The following FMO1 variants were observed in gnomAD, a reference collection of about 807,000 sequenced individuals.
FMO1 encodes the protein flavin-containing monooxygenase 1.
In FMO1, 36 loss-of-function variants were observed where a neutral mutation model predicts 45.4. The observed-to-expected ratio is 0.79, with a 90% CI of 0.61 to 1.05. FMO1 has a LOEUF of 1.05. FMO1 is among the 50% of genes least tolerant of loss of function. FMO1 has a pLI of 0.00. For synonymous variants in FMO1, 228 were observed against 227.2 expected, an observed-to-expected ratio of 1.00 and a Z score of -0.03; for missense variants, 615 against 640.3, an observed-to-expected ratio of 0.96 and a Z score of 0.43.
chr1:171,278,265 C>T (rs1661191361), intron 4 of FMO1, among the ~76,000 whole-genome samples: 1 of 152,180 alleles, frequency 6.6e-6, no homozygotes, highest in Admixed American at 6.5e-5. Flanking sequence ...TCCCCCCATA[C>T]CATCTAGCAC....
chr1:171,280,308 A>G (rs1661298426), intron 5 of FMO1, among the ~76,000 whole-genome samples: 1 of 152,246 alleles, frequency 6.6e-6, no homozygotes, highest in Non-Finnish European at 1.5e-5. Context: ...AATTCGGTCA[A>G]CTGGTAAATT....
chr1:171,278,437 C>T (rs1305446941), intron 4 of FMO1, among the ~76,000 whole-genome samples: 2 of 152,040 alleles, frequency 1.3e-5, no homozygotes, highest in Non-Finnish European at 2.9e-5. Flanking sequence ...ATGATAATGA[C>T]TCCTTATACT....
chr1:171,278,728 G>C lies in FMO1; in HGVS notation c.485-1G>C. ...TGTGACTTCTCTTTTATTTTCTATA[G>C]GTATTAATGCCTTTAAAGGCCAGTA... On this transcript the variant is annotated splice_acceptor_variant, in intron 4 of 8. Transcript: ENST00000617670. LOFTEE classifies it high-confidence loss of function. 5 of 1,566,832 alleles carry C rather than the reference G, an allele frequency of 3.2e-6. No individual in the cohort carries two copies. The highest frequency in any genetic ancestry group is 4.3e-6 in the Non-Finnish European group (5 of 1,150,772).
At chr1:171,262,496 A>G (rs10912692) in intron 2 of FMO1, among the ~76,000 whole-genome samples, 5,987 of 152,292 alleles carry the variant, frequency 0.039, 424 homozygotes, top group African/African-American at 0.14. Context: ...TCCTCCGCAC[A>G]TGCACGCTTT....
At chr1:171,281,035 C>A in intron 6 of FMO1, 50 bp downstream of exon 6, 1 of 1,498,218 alleles carries the variant, frequency 6.7e-7, no homozygotes. Flanking sequence ...GAGCCTCTGC[C>A]TGTCCAGCAG....
intron 4 of FMO1, among the ~76,000 whole-genome samples, chr1:171,276,401 G>T (rs534468607): frequency 6.6e-6 from 1 of 152,288 alleles, no homozygotes; most frequent in Admixed American, 6.5e-5. Context: ...TTATTTTTCA[G>T]CAATTCTGAG....
intron 1 of FMO1, among the ~76,000 whole-genome samples, chr1:171,254,304 G>A (rs1185159205): frequency 6.6e-6 from 1 of 152,044 alleles, no homozygotes; most frequent in East Asian, 1.9e-4. Flanking sequence ...TTGGCCAGCT[G>A]GTTTCGAACT....
Position 171,285,803 on chromosome 1 carries a change from A to ACG in FMO1, c.*259_*260insCG. 3.2e-6 allele frequency: 1 copy of ACG among 314,926 alleles called. No individual in the cohort carries two copies. The highest frequency in any genetic ancestry group is 5.7e-6 in the Non-Finnish European group (1 of 174,538). 19.5% of individuals were successfully genotyped at this position (314,926 alleles called of 1,614,324 possible). A position where few individuals can be genotyped will look rare whatever the true frequency, so the allele number is the denominator to read the frequency against. ...AGTTACAGGTTCATTTTAGAAAGAA[A>ACG]GCTGTTCTTGACAGCACTCTGAGCC... On this transcript the variant is annotated 3_prime_UTR_variant, in exon 9 of 9. Transcript: ENST00000617670.
At position 171,267,658 on chromosome 1, in the gene FMO1, CA is replaced by C; in HGVS notation, c.251del (p.Asn84IlefsTer18). On this transcript the variant is annotated frameshift_variant, in exon 3 of 9. Coordinates refer to ENST00000617670, the MANE Select transcript of FMO1 (RefSeq NM_001282693.2). LOFTEE classifies it high-confidence loss of function. ...PFPEDYPNYVPNSQFLEYLKM... is the reference protein window; with the variant it reads ...PFPEDYPNYVXNSQFLEYLKM... ...CCAGAAGATTATCCAAACTATGTGCCAAATTCTCAATTCCTGGAATATCTCA... is the reference window on the plus strand; with the variant it reads ...CCAGAAGATTATCCAAACTATGTGCCAATTCTCAATTCCTGGAATATCTCA... 1 of 1,614,034 alleles carries C rather than the reference CA, an allele frequency of 6.2e-7. No individual in the cohort carries two copies. The highest frequency in any genetic ancestry group is 8.5e-7 in the Non-Finnish European group (1 of 1,179,910).
chr1:171,253,195 T>C (rs981432057), intron 1 of FMO1, among the ~76,000 whole-genome samples: 1 of 152,230 alleles, frequency 6.6e-6, no homozygotes, highest in African/African-American at 2.4e-5. Flanking sequence ...ATCATTCTTA[T>C]ATTTCCCTAC....
intron 4 of FMO1, 125 bp downstream of exon 4, chr1:171,275,633 CT>C: frequency 4.6e-6 from 3 of 654,352 alleles, no homozygotes; most frequent in Admixed American, 3.3e-5. Flanking sequence ...TAGGAGGAGG[CT>C]TTTTTTGTTT....
chr1:171,254,887 T>C (rs1019986684), intron 1 of FMO1, among the ~76,000 whole-genome samples: 1 of 152,232 alleles, frequency 6.6e-6, no homozygotes, highest in Non-Finnish European at 1.5e-5. Flanking sequence ...AATTTGTACA[T>C]AAGACATACT....
chr1:171,279,549 A>T (rs1249796685), intron 5 of FMO1, among the ~76,000 whole-genome samples: 2 of 152,134 alleles, frequency 1.3e-5, no homozygotes, highest in South Asian at 2.1e-4. Context: ...TACGTTCCTA[A>T]CTATCCTCTT....
At chr1:171,261,336 C>CACACACACACAT (rs938709931) in intron 2 of FMO1, among the ~76,000 whole-genome samples, 1 of 152,026 alleles carries the variant, frequency 6.6e-6, no homozygotes, top group African/African-American at 2.4e-5. Flanking sequence ...CACACACACA[C>CACACACACACAT]ACACACAAAA....
At position 171,267,689 on chromosome 1, in the gene FMO1, G is replaced by A. The variant is rs769317725; in HGVS notation, c.279G>A (p.Met93Ile). ...PNSQFLEYLKMYANHFDLLKH... is the reference protein window; with the variant it reads ...PNSQFLEYLKIYANHFDLLKH... ...CTCAATTCCTGGAATATCTCAAAATGTATGCAAACCACTTTGACCTTCTGA... is the reference window on the plus strand; with the variant it reads ...CTCAATTCCTGGAATATCTCAAAATATATGCAAACCACTTTGACCTTCTGA... Residue 93 changes from methionine to isoleucine, a missense_variant, in exon 3 of 9, where the codon ATG (methionine) becomes ATA (isoleucine). Physicochemically the swap from Met to Ile is conservative, Grantham distance 10 (BLOSUM62 1). Transcript: ENST00000617670. 9.9e-6 allele frequency: 16 copies of A among 1,613,628 alleles called. No individual in the cohort carries two copies. The South Asian group carries it at 1.8e-4, about 18-fold the overall frequency.
At position 171,285,338 on chromosome 1, in the gene FMO1, T is replaced by C; in HGVS notation, c.1393T>C (p.Phe465Leu). 1.2e-6 allele frequency: 2 copies of C among 1,614,072 alleles called. No homozygotes were observed. Among genetic ancestry groups the C allele is most frequent in the Non-Finnish European group, 1.7e-6 (2 of 1,179,974 alleles). Residue 465 changes from phenylalanine (F) to leucine (L), a missense_variant, in exon 9 of 9, where the codon TTT (phenylalanine) becomes CTT (leucine). Physicochemically the swap from Phe to Leu is conservative, Grantham distance 22 (BLOSUM62 0). Transcript: ENST00000617670. ...TDPHLALTVF[F>L]GPCSPYQFRL... ...TCCACATCTGGCTCTGACCGTCTTC[T>C]TTGGCCCATGCTCACCATACCAGTT...
chr1:171,277,994 T>C (rs1440879794), intron 4 of FMO1, among the ~76,000 whole-genome samples: 2 of 152,230 alleles, frequency 1.3e-5, no homozygotes, highest in Non-Finnish European at 2.9e-5. Context: ...GCTTAAGTTA[T>C]TGCTGTTAAA....
At chr1:171,254,256 C>CT (rs1036460474) in intron 1 of FMO1, among the ~76,000 whole-genome samples, 15 of 151,978 alleles carry the variant, frequency 9.9e-5, no homozygotes, top group South Asian at 2.1e-4. Context: ...GCCCAGCTAA[C>CT]TTTTTTGTAT....
intron 5 of FMO1, among the ~76,000 whole-genome samples, chr1:171,280,167 T>G (rs929254177): frequency 2.6e-5 from 4 of 152,132 alleles, no homozygotes; most frequent in African/African-American, 9.7e-5. Context: ...CCCAGTTTGG[T>G]GGGGGAAGAA....
Sources: gnomAD v4.1 joint callset for allele counts (sites outside exome capture counted in the v4.1 genomes callset) on GRCh38, gnomAD v4.1.1 for gene constraint, MANE v1.5 for transcripts, NCBI Gene and HGNC (gene_info 2026-07-23, HGNC 2026-07-21) for gene names.